The following KDM4C variants were observed in gnomAD, a reference collection of about 807,000 sequenced individuals.
KDM4C encodes lysine-specific demethylase 4C.
In KDM4C, 81 loss-of-function variants were observed where a neutral mutation model predicts 129.3. The observed-to-expected ratio is 0.63, with a 90% CI of 0.52 to 0.75. The LOEUF is 0.75. Among genes scored for constraint, KDM4C ranks in the 30% least tolerant of loss-of-function variants. KDM4C has a pLI of 0.00. For synonymous variants in KDM4C, 573 were observed against 456.1 expected, an observed-to-expected ratio of 1.26 and a Z score of -3.26; for missense variants, 1,457 against 1,304.0, an observed-to-expected ratio of 1.12 and a Z score of -1.81.
chr9:7,101,433 A>G (rs1587644687), intron 17 of KDM4C, among the ~76,000 whole-genome samples: 3 of 152,168 alleles, frequency 2.0e-5, no homozygotes, highest in African/African-American at 7.2e-5. Flanking sequence ...GGCTCCCCTC[A>G]TAGGTTTTAT....
chr9:7,026,245 A>T (rs938149539), intron 15 of KDM4C, among the ~76,000 whole-genome samples: 1 of 151,546 alleles, frequency 6.6e-6, no homozygotes, highest in Admixed American at 6.6e-5. Flanking sequence ...TCCCTTTAGC[A>T]TTTATTGTAG....
At chr9:6,832,953 C>G (rs1461178899) in intron 4 of KDM4C, among the ~76,000 whole-genome samples, 1 of 149,456 alleles carries the variant, frequency 6.7e-6, no homozygotes, top group Non-Finnish European at 1.5e-5. Context: ...CCAGGCTGGT[C>G]TTGAACTCCT....
At chr9:6,944,490 A>G (rs1826515860) in intron 8 of KDM4C, among the ~76,000 whole-genome samples, 1 of 152,174 alleles carries the variant, frequency 6.6e-6, no homozygotes, top group Admixed American at 6.5e-5. Flanking sequence ...CACCTAAATT[A>G]GGGTATGATC....
At chr9:6,898,100 G>A (rs928311375) in intron 8 of KDM4C, among the ~76,000 whole-genome samples, 1 of 152,146 alleles carries the variant, frequency 6.6e-6, no homozygotes, top group African/African-American at 2.4e-5. Context: ...GTTGTTTGAT[G>A]TTAGGTTTGA....
rs1844779014 is a variant in KDM4C, at chr9:7,169,849, A to T, written c.2953A>T (p.Thr985Ser). The change falls in exon 21 of 22, where the codon ACT becomes TCT. Residue 985 changes from threonine (T) to serine (S), a missense_variant. By Grantham distance (58) the Thr-to-Ser change is moderately conservative. Transcript: ENST00000381309. ...AGCAATGAAGAGAGAGGACATCTAC[A>T]CTTTAGATGAAGAGTTACCCAAGAG... ...QIAMKREDIY[T>S]LDEELPKRVK... is the part of the protein sequence containing the mutation. The T allele has an allele frequency of 6.2e-7, 1 of 1,613,826 alleles. No individual in the cohort carries two copies. The highest frequency in any genetic ancestry group is 1.3e-5 in the African/African-American group (1 of 74,918).
chr9:6,771,778 G>C (rs1351000255), intron 1 of KDM4C, among the ~76,000 whole-genome samples: 1 of 152,178 alleles, frequency 6.6e-6, no homozygotes, highest in Non-Finnish European at 1.5e-5. Flanking sequence ...TGGGTGCAGG[G>C]GCAGTACAGT....
intron 15 of KDM4C, among the ~76,000 whole-genome samples, chr9:7,041,923 G>A (rs920746833): frequency 6.6e-6 from 1 of 152,010 alleles, no homozygotes; most frequent in Non-Finnish European, 1.5e-5. Context: ...TTGAGTTCCT[G>A]GAGAGTTTTC....
chr9:6,797,012 A>G lies in KDM4C; in HGVS notation c.144+3880A>G, dbSNP rs1239403137. Among the ~76,000 whole-genome samples, 3 of 149,940 alleles carry G rather than the reference A, an allele frequency of 2.0e-5. No individual in the cohort carries two copies. The East Asian group carries it at 5.8e-4, about 29-fold the overall frequency. On this transcript the variant is annotated intron_variant, in intron 2 of 21. Coordinates refer to ENST00000381309, the MANE Select transcript of KDM4C (RefSeq NM_015061.6). ...CACTATTTTTTTTTTTTTTTGAGAC[A>G]GGGTCTTGCCCTGTTAGGCTGGGTG...
At chr9:7,050,815 C>A (rs1830056538) in intron 17 of KDM4C, among the ~76,000 whole-genome samples, 1 of 152,132 alleles carries the variant, frequency 6.6e-6, no homozygotes. Context: ...TTTGAGAGAA[C>A]AGCAGGGAAG....
At chr9:7,085,254 A>G (rs1165335513) in intron 17 of KDM4C, among the ~76,000 whole-genome samples, 1 of 152,232 alleles carries the variant, frequency 6.6e-6, no homozygotes, top group Non-Finnish European at 1.5e-5. Context: ...GTTGTGTGGC[A>G]GTGAGTAAAC....
chr9:7,025,540 G>C (rs145121708), intron 15 of KDM4C, among the ~76,000 whole-genome samples: 58 of 152,018 alleles, frequency 3.8e-4, no homozygotes, highest in African/African-American at 1.2e-3. Context: ...TTTGATTTGA[G>C]GTTATGATGA....
At chr9:6,896,210 G>C (rs992031656) in intron 8 of KDM4C, among the ~76,000 whole-genome samples, 1 of 152,074 alleles carries the variant, frequency 6.6e-6, no homozygotes, top group Admixed American at 6.5e-5. Context: ...TCATCAGTTT[G>C]TTCTAAATGG....
intron 6 of KDM4C, among the ~76,000 whole-genome samples, chr9:6,881,032 T>C (rs1434810041): frequency 6.6e-6 from 1 of 152,226 alleles, no homozygotes; most frequent in Non-Finnish European, 1.5e-5. Flanking sequence ...AGTGCTCTTT[T>C]AGTCCAGTGC....
chr9:7,087,709 G>A (rs991331316), intron 17 of KDM4C, among the ~76,000 whole-genome samples: 3 of 152,164 alleles, frequency 2.0e-5, no homozygotes, highest in Non-Finnish European at 4.4e-5. Context: ...GCTACAAAAC[G>A]TGAAAGAAGA....
At chr9:7,037,379 C>T (rs561257824) in intron 15 of KDM4C, among the ~76,000 whole-genome samples, 76 of 152,246 alleles carry the variant, frequency 5.0e-4, no homozygotes, top group Non-Finnish European at 5.1e-4. Flanking sequence ...ATAGAAGAGA[C>T]ATTGGAACAT....
Position 6,889,252 on chromosome 9 carries a change from G to GTGTGTGTGTGTGTGTGT in KDM4C, c.783+1189_783+1190insTGTGTGTGTGTGTGTGT, listed in dbSNP as rs747649175. 1.8e-3 allele frequency among the ~76,000 whole-genome samples: 136 copies of GTGTGTGTGTGTGTGTGT among 75,068 alleles called. 2 individuals are homozygous for GTGTGTGTGTGTGTGTGT. The highest frequency in any genetic ancestry group is 3.9e-3 in the South Asian group (7 of 1,804). The allele number at this position is 75,068 out of a possible 152,430, so 49.2% of individuals were successfully genotyped here. A position where few individuals can be genotyped will look rare whatever the true frequency, so the allele number is the denominator to read the frequency against. On this transcript the variant is annotated intron_variant, in intron 7 of 21. Coordinates refer to ENST00000381309, the MANE Select transcript of KDM4C (RefSeq NM_015061.6). ...GTGTGTGTGTGTGTGTGTGTGTGTG[G>GTGTGTGTGTGTGTGTGT]GAGGGTGGGGGGGATTTGTTCAAAG...
At chr9:6,970,068 T>A (rs965629801) in intron 8 of KDM4C, among the ~76,000 whole-genome samples, 1 of 152,186 alleles carries the variant, frequency 6.6e-6, no homozygotes, top group African/African-American at 2.4e-5. Flanking sequence ...CAGTCTAGCT[T>A]CCCTAAATTA....
At chr9:6,978,244 C>G (rs1402302367) in intron 8 of KDM4C, among the ~76,000 whole-genome samples, 2 of 152,290 alleles carry the variant, frequency 1.3e-5, no homozygotes, top group African/African-American at 4.8e-5. Context: ...GTCTTTTAAA[C>G]ACTATTTGCA....
intron 4 of KDM4C, chr9:6,835,205 A>C: frequency 1.1e-6 from 1 of 924,448 alleles, no homozygotes; most frequent in Non-Finnish European, 1.8e-6. Flanking sequence ...ACCATCGGCA[A>C]CGAGCAGTTC....
Sources: allele counts gnomAD v4.1 joint callset (sites outside exome capture counted in the v4.1 genomes callset), GRCh38; gene constraint gnomAD v4.1.1; transcripts MANE v1.5; gene names NCBI Gene and HGNC (gene_info 2026-07-23, HGNC 2026-07-21).